RUNX2: variants seen among roughly 807,000 people sequenced by gnomAD.
RUNX2 encodes runt-related transcription factor 2.
RUNX2 carries 10 observed loss-of-function variants against 51.7 expected under a neutral mutation model. The ratio of observed to expected loss-of-function variants is 0.19; its 90% CI spans 0.12 to 0.33. RUNX2 has a LOEUF of 0.33. RUNX2 is among the 10% of genes least tolerant of loss of function. The pLI is 1.00. For missense variants in RUNX2, 562 were observed against 691.3 expected (o/e 0.81, Z 2.10); for synonymous variants, 276 against 273.6 (o/e 1.01, Z -0.09).
At chr6:45,366,575 C>T (rs1043520958) in intron 2 of RUNX2, among the ~76,000 whole-genome samples, 1 of 152,122 alleles carries the variant, frequency 6.6e-6, no homozygotes, top group Non-Finnish European at 1.5e-5. Flanking sequence ...CTGCTAAAAA[C>T]TTTTATATAA....
intron 7 of RUNX2, among the ~76,000 whole-genome samples, chr6:45,544,819 C>T (rs917702712): frequency 2.0e-5 from 3 of 152,146 alleles, no homozygotes; most frequent in Admixed American, 6.5e-5. Context: ...AAGCACTGGG[C>T]GGGGGAAATG....
rs1561824574 is a variant in RUNX2, at chr6:45,549,890, A to C, written c.*2585A>C. The C allele has an allele frequency of 6.6e-6, 1 of 152,668 alleles. No homozygotes were observed. Among genetic ancestry groups the C allele is most frequent in the Non-Finnish European group, 1.5e-5 (1 of 68,096 alleles). The allele number at this position is 152,668 out of a possible 1,614,324, so 9.5% of individuals were successfully genotyped here. ...TTTTTTCCTTGGGAAAAATTCAAGC[A>C]CTTCTTCCCTCCACCCTCACTCCAA... On this transcript the variant is annotated 3_prime_UTR_variant, in exon 9 of 9. Coordinates refer to ENST00000647337, the MANE Select transcript of RUNX2 (RefSeq NM_001024630.4).
intron 5 of RUNX2, among the ~76,000 whole-genome samples, chr6:45,448,831 A>G (rs748279415): frequency 6.6e-6 from 1 of 152,170 alleles, no homozygotes; most frequent in Non-Finnish European, 1.5e-5. Flanking sequence ...GGCCCAGGAA[A>G]TTATTAGTAG....
chr6:45,469,884 A>G (rs951246232), intron 5 of RUNX2, among the ~76,000 whole-genome samples: 7 of 152,216 alleles, frequency 4.6e-5, no homozygotes, highest in African/African-American at 1.4e-4. Flanking sequence ...AGGAGCATCA[A>G]GCATTTGTGC....
chr6:45,360,179 A>C (rs964219298), intron 2 of RUNX2, among the ~76,000 whole-genome samples: 10 of 152,220 alleles, frequency 6.6e-5, no homozygotes, highest in Non-Finnish European at 1.3e-4. Context: ...AGAATTTGCC[A>C]CTGACTATAG....
chr6:45,365,101 T>C, intron 2 of RUNX2: 1 of 763,396 alleles, frequency 1.3e-6, no homozygotes. Context: ...AATAACAAAT[T>C]ATTTCCAAGT....
chr6:45,437,382 A>ACC (rs980330269), intron 4 of RUNX2, among the ~76,000 whole-genome samples: 5 of 152,314 alleles, frequency 3.3e-5, no homozygotes, highest in Admixed American at 3.3e-4. Flanking sequence ...AAATCATCAT[A>ACC]CCACAGGCAC....
intron 2 of RUNX2, among the ~76,000 whole-genome samples, chr6:45,410,355 A>G (rs79805935): frequency 0.066 from 10,027 of 152,298 alleles, 449 homozygotes; most frequent in South Asian, 0.16. Context: ...GAAAGAAAAT[A>G]GATATGAATA....
At chr6:45,400,547 G>A (rs985913113) in intron 2 of RUNX2, among the ~76,000 whole-genome samples, 2 of 152,180 alleles carry the variant, frequency 1.3e-5, no homozygotes, top group Non-Finnish European at 1.5e-5. Context: ...TGCAAAATCT[G>A]ATGCCCTCCC....
intron 5 of RUNX2, among the ~76,000 whole-genome samples, chr6:45,452,541 A>G (rs1196584358): frequency 6.6e-6 from 1 of 152,142 alleles, no homozygotes; most frequent in Non-Finnish European, 1.5e-5. Context: ...TCTTTTGCTT[A>G]TTAAATACCT....
intron 5 of RUNX2, among the ~76,000 whole-genome samples, chr6:45,438,477 G>A (rs1241226983): frequency 3.3e-5 from 5 of 152,120 alleles, no homozygotes; most frequent in African/African-American, 9.7e-5. Flanking sequence ...TTTTTAACTC[G>A]CCCACTCAAT....
chr6:45,353,234 A>G (rs1792440542), intron 2 of RUNX2, among the ~76,000 whole-genome samples: 1 of 152,118 alleles, frequency 6.6e-6, no homozygotes, highest in Non-Finnish European at 1.5e-5. Flanking sequence ...AAAAGAAAAG[A>G]AAAATGAAAC....
intron 2 of RUNX2, among the ~76,000 whole-genome samples, chr6:45,406,439 G>T (rs1797835342): frequency 6.6e-6 from 1 of 152,160 alleles, no homozygotes; most frequent in Non-Finnish European, 1.5e-5. Flanking sequence ...TTTTGGAAGA[G>T]TCTCTCACTC....
chr6:45,506,106 C>G (rs570279547), intron 6 of RUNX2, among the ~76,000 whole-genome samples: 1 of 152,212 alleles, frequency 6.6e-6, no homozygotes, highest in South Asian at 2.1e-4. Context: ...CTGAGGGGTC[C>G]AATAAATAGC....
At chr6:45,521,665 A>G (rs1261738091) in intron 7 of RUNX2, among the ~76,000 whole-genome samples, 1 of 152,160 alleles carries the variant, frequency 6.6e-6, no homozygotes, top group East Asian at 1.9e-4. Context: ...CATTTCTCAT[A>G]GTCTTATCTT....
chr6:45,376,130 T>C (rs950660366), intron 2 of RUNX2, among the ~76,000 whole-genome samples: 1 of 152,254 alleles, frequency 6.6e-6, no homozygotes, highest in Non-Finnish European at 1.5e-5. Flanking sequence ...AATACTGTCA[T>C]AGCTCTCTGA....
intron 2 of RUNX2, among the ~76,000 whole-genome samples, chr6:45,383,596 A>G (rs1042840535): frequency 4.6e-5 from 7 of 152,206 alleles, no homozygotes; most frequent in African/African-American, 1.4e-4. Context: ...GAGAAAAGCT[A>G]AACATCCCCT....
At chr6:45,484,873 A>G (rs1329666642) in intron 5 of RUNX2, among the ~76,000 whole-genome samples, 1 of 152,232 alleles carries the variant, frequency 6.6e-6, no homozygotes, top group Non-Finnish European at 1.5e-5. Flanking sequence ...ACTGCTGTGG[A>G]ATAGCAGCTC....
chr6:45,399,693 A>G (rs991045068), intron 2 of RUNX2, among the ~76,000 whole-genome samples: 2 of 150,132 alleles, frequency 1.3e-5, no homozygotes, highest in African/African-American at 4.9e-5. Context: ...TTCACTCTCC[A>G]AAGAAAGAAA....
Sources: allele counts gnomAD v4.1 joint callset (sites outside exome capture counted in the v4.1 genomes callset), GRCh38; gene constraint gnomAD v4.1.1; transcripts MANE v1.5; gene names NCBI Gene and HGNC (gene_info 2026-07-23, HGNC 2026-07-21).